Variants in PIEZO1 observed in about 807,000 individuals in gnomAD.
PIEZO1 encodes piezo type mechanosensitive ion channel component 1 (Er blood group).
In PIEZO1, 296 loss-of-function variants were observed where a neutral mutation model predicts 297.2. That is an observed-to-expected ratio of 1.00 (90% CI 0.91 to 1.10). The LOEUF is 1.10. Among genes scored for constraint, PIEZO1 ranks in the 50% least tolerant of loss-of-function variants. The probability of loss-of-function intolerance (pLI) is 0.00; values close to 1 mark genes in which losing one functional copy is unlikely to be tolerated. For missense variants in PIEZO1, 5,018 were observed against 3,455.5 expected, an observed-to-expected ratio of 1.45 and a Z score of -11.34; for synonymous variants, 2,427 against 1,507.5, an observed-to-expected ratio of 1.61 and a Z score of -14.13.
intron 2 of PIEZO1, chr16:88,745,660 T>C (rs1023014697): frequency 2.0e-5 from 3 of 151,628 alleles, no homozygotes; most frequent in Non-Finnish European, 2.9e-5. Context: ...GGAGAATCAC[T>C]TTCACTTAAA....
At chr16:88,742,472 G>C (rs552396197) in intron 2 of PIEZO1, 50 bp from the exon 3 acceptor site, 1 of 1,521,102 alleles carries the variant, frequency 6.6e-7, no homozygotes, top group Admixed American at 2.1e-5. Context: ...GGGAGGGGCC[G>C]CAGCCCAGGC....
intron 2 of PIEZO1, chr16:88,744,143 G>A (rs1052581939): frequency 1.1e-4 from 18 of 167,070 alleles, no homozygotes; most frequent in African/African-American, 2.9e-4. Context: ...CAGGGGCCCC[G>A]CGCCCCCGCC....
chr16:88,738,179 G>A, intron 7 of PIEZO1, 48 bp downstream of exon 7: 1 of 1,533,608 alleles, frequency 6.5e-7, no homozygotes, highest in Non-Finnish European at 8.7e-7. Context: ...GAGCCAGGTG[G>A]GCGGGACCAG....
At chr16:88,774,411 T>C (rs555555989) in intron 1 of PIEZO1, among the ~76,000 whole-genome samples, 41 of 152,072 alleles carry the variant, frequency 2.7e-4, no homozygotes, top group African/African-American at 9.6e-4. Flanking sequence ...TAAATAAAAA[T>C]AACAATATAA....
At position 88,722,837 on chromosome 16, in the gene PIEZO1, C is replaced by A; in HGVS notation, c.4668G>T (p.Gln1556His). The change falls in exon 34 of 51, where the codon CAG (glutamine) becomes CAT (histidine). Residue 1556 changes from glutamine (Q) to histidine (H), a missense_variant and splice_region_variant. Transcript: ENST00000301015. ...ERYLLTQELL[Q>H]GGEVHRGVLD... The stretch of plus-strand genomic sequence containing the variant: ...GAGCGTGGTGCACGGGCAGGCTCAC[C>A]TGCAGGAGCTCCTGTGTGAGGAGGT... 6.5e-7 allele frequency: 1 copy of A among 1,545,230 alleles called. No homozygotes were observed.
chr16:88,784,802 C>A, intron 1 of PIEZO1, 99 bp downstream of exon 1: 1 of 875,410 alleles, frequency 1.1e-6, no homozygotes, highest in Non-Finnish European at 1.6e-6. Context: ...CCCGCTCGCC[C>A]GCAGCCCTCG....
At position 88,716,046 on chromosome 16, in the gene PIEZO1, G is replaced by A. The variant is rs369915226; in HGVS notation, c.7203C>T (p.Leu2401=). The A allele has an allele frequency of 2.3e-5, 36 of 1,550,222 alleles. 1 individual carries two copies. Among genetic ancestry groups the A allele is most frequent in the South Asian group, 1.9e-4 (16 of 84,058 alleles). ...CCTGCAGCTCGATGACCCACCATTC[G>A]AGGAAGCCGGTGGCCCCCGCACCCT... ...REQGAGATGF[L]EWWVIELQEC... Residue 2401 remains leucine (L), a synonymous_variant, in exon 50 of 51, where the codon CTC becomes CTT. Transcript: ENST00000301015.
At position 88,732,626 on chromosome 16, in the gene PIEZO1, G is replaced by A. The variant is rs1300240167; in HGVS notation, c.2771C>T (p.Pro924Leu). The A allele has an allele frequency of 1.9e-6, 3 of 1,549,466 alleles. No homozygotes were observed. The highest frequency in any genetic ancestry group is 2.6e-6 in the Non-Finnish European group (3 of 1,146,370). ...ACTCACCTGGATGTAGCCCAGGTTG[G>A]GGAACCCTTTCCGCACCCCAAACCA... ...ANWFGVRKGFPNLGYIQNHLQ... is the reference protein window; with the variant it reads ...ANWFGVRKGFLNLGYIQNHLQ... Residue 924 changes from proline to leucine, a missense_variant, in exon 20 of 51, where the codon CCC becomes CTC. Transcript: ENST00000301015.
chr16:88,773,616 G>A (rs951065521), intron 1 of PIEZO1, among the ~76,000 whole-genome samples: 9 of 152,202 alleles, frequency 5.9e-5, no homozygotes, highest in African/African-American at 1.7e-4. Flanking sequence ...AGGCAGGTCG[G>A]GGGACTGGAC....
intron 2 of PIEZO1, among the ~76,000 whole-genome samples, chr16:88,748,342 C>T (rs973038758): frequency 6.6e-6 from 1 of 152,268 alleles, no homozygotes; most frequent in Non-Finnish European, 1.5e-5. Context: ...TGACATGTCA[C>T]AGGATGGAGG....
Position 88,737,581 on chromosome 16 carries a change from C to A in PIEZO1, c.1173G>T (p.Gln391His). The change falls in exon 10 of 51, where the codon CAG becomes CAT. Residue 391 changes from glutamine to histidine, a missense_variant. By Grantham distance (24) the Gln-to-His change is conservative (BLOSUM62 0). Coordinates refer to ENST00000301015, the MANE Select transcript of PIEZO1 (RefSeq NM_001142864.4). ...DNCIVHELTG[Q>H]SSVLRRPVRP... Reference sequence around the variant, plus strand: ...CACCAGGCCGCCGCAGGACGGAGCTCTGGCCGGTCAGCTCGTGCACGATGC... The same window carrying A: ...CACCAGGCCGCCGCAGGACGGAGCTATGGCCGGTCAGCTCGTGCACGATGC... The A allele has an allele frequency of 6.5e-7, 1 of 1,534,310 alleles. No individual in the cohort carries two copies. Among genetic ancestry groups the A allele is most frequent in the Non-Finnish European group, 8.7e-7 (1 of 1,146,384 alleles).
In PIEZO1 at chr16:88,720,767, T is replaced by G; in HGVS notation, c.5669-19A>C. 6.8e-7 allele frequency: 1 copy of G among 1,463,706 alleles called. No homozygotes were observed. Among genetic ancestry groups the G allele is most frequent in the East Asian group, 2.5e-5 (1 of 39,904 alleles). 90.7% of individuals were successfully genotyped at this position (1,463,706 alleles called of 1,614,324 possible). A position where few individuals can be genotyped will look rare whatever the true frequency, so the allele number is the denominator to read the frequency against. On this transcript the variant is annotated intron_variant, in intron 39 of 50. Transcript: ENST00000301015. ...TCAGCTTCTGTAGGGAAAAGCTGAC[T>G]TCTGCCTGGGCCCCCTGGGGACTGG...
At chr16:88,772,125 C>T (rs941887099) in intron 1 of PIEZO1, among the ~76,000 whole-genome samples, 2 of 151,364 alleles carry the variant, frequency 1.3e-5, no homozygotes, top group Non-Finnish European at 3.0e-5. Context: ...GGTCAGGATG[C>T]CTGTCCACCT....
chr16:88,773,946 T>C (rs1907542390), intron 1 of PIEZO1, among the ~76,000 whole-genome samples: 1 of 151,704 alleles, frequency 6.6e-6, no homozygotes. Flanking sequence ...TCCCTGCAGG[T>C]CCCCCGAGTC....
At chr16:88,767,959 G>A (rs931646664) in intron 1 of PIEZO1, among the ~76,000 whole-genome samples, 73 of 152,222 alleles carry the variant, frequency 4.8e-4, no homozygotes, top group African/African-American at 1.7e-3. Context: ...TGCTTCTCCC[G>A]CTCCCTCCCC....
rs2242167 is a variant in PIEZO1, at chr16:88,722,530, G to A, written c.4775+53C>T. The A allele has an allele frequency of 0.097, 139,653 of 1,436,016 alleles. 7,537 individuals carry two copies. Among genetic ancestry groups the A allele is most frequent in the Admixed American group, 0.16 (6,640 of 41,596 alleles). The allele number at this position is 1,436,016 out of a possible 1,614,324, so 89.0% of individuals were successfully genotyped here. A position where few individuals can be genotyped will look rare whatever the true frequency, so the allele number is the denominator to read the frequency against. ...TGGCGAGGGTCGGGGATGGCTAGGC[G>A]ATGCCCACACACCAGGGGCAGCAGC... On this transcript the variant is annotated intron_variant, in intron 35 of 50. Coordinates refer to ENST00000301015, the MANE Select transcript of PIEZO1 (RefSeq NM_001142864.4).
In PIEZO1 at chr16:88,770,367, G is replaced by C. The variant is rs1001885058; in HGVS notation, c.64+14534C>G. ...TGCATCACTTTCTGGCTATGGACTT[G>C]GGAGCTGGCTCGACCTTTAGGAGTC... On this transcript the variant is annotated intron_variant, in intron 1 of 50. Coordinates refer to ENST00000301015, the MANE Select transcript of PIEZO1 (RefSeq NM_001142864.4). 3.9e-4 allele frequency among the ~76,000 whole-genome samples: 60 copies of C among 152,336 alleles called. 1 individual carries two copies. Among genetic ancestry groups the C allele is most frequent in the Non-Finnish European group, 1.2e-4 (8 of 68,032 alleles).
chr16:88,716,967 C>T (rs1054032716), intron 45 of PIEZO1, 56 bp downstream of exon 45: 2 of 1,546,684 alleles, frequency 1.3e-6, no homozygotes, highest in East Asian at 2.4e-5. Flanking sequence ...TGGTGCACCA[C>T]CTTGGCCAGA....
intron 1 of PIEZO1, among the ~76,000 whole-genome samples, chr16:88,784,409 G>A (rs887364268): frequency 6.6e-6 from 1 of 152,218 alleles, no homozygotes; most frequent in Non-Finnish European, 1.5e-5. Context: ...CGTTGGGCTC[G>A]GGAAGCTCCA....
Sources: allele counts gnomAD v4.1 joint callset (sites outside exome capture counted in the v4.1 genomes callset), GRCh38; gene constraint gnomAD v4.1.1; transcripts MANE v1.5; gene names NCBI Gene and HGNC (gene_info 2026-07-23, HGNC 2026-07-21).